ABCB11: variants seen among roughly 807,000 people sequenced by gnomAD.
ABCB11 encodes ATP binding cassette subfamily B member 11, also known as bile salt export pump.
In ABCB11, 95 loss-of-function variants were observed where a neutral mutation model predicts 148.0. The observed-to-expected ratio is 0.64, with a 90% CI of 0.54 to 0.76. ABCB11 has a LOEUF of 0.76. Ranked by LOEUF, ABCB11 falls within the 30% of genes least tolerant of loss-of-function variation. The probability of loss-of-function intolerance (pLI) is 0.00; values close to 1 mark genes in which losing one functional copy is unlikely to be tolerated. For synonymous variants in ABCB11, 591 were observed against 555.4 expected (o/e 1.06, Z -0.90); for missense variants, 1,523 against 1,617.8 (o/e 0.94, Z 1.01).
At chr2:168,968,800 A>T (rs1693434145) in intron 16 of ABCB11, among the ~76,000 whole-genome samples, 1 of 151,172 alleles carries the variant, frequency 6.6e-6, no homozygotes, top group East Asian at 2.0e-4. Flanking sequence ...CAAAAAAAAA[A>T]TGATAGAAAC....
At chr2:169,017,107 T>C (rs770735288) in intron 2 of ABCB11, among the ~76,000 whole-genome samples, 4 of 152,052 alleles carry the variant, frequency 2.6e-5, no homozygotes, top group Non-Finnish European at 5.9e-5. Context: ...ATTTGCATCA[T>C]CTGAATATCA....
intron 9 of ABCB11, among the ~76,000 whole-genome samples, chr2:168,986,593 T>C (rs1291934566): frequency 2.0e-5 from 3 of 152,090 alleles, no homozygotes; most frequent in Admixed American, 1.3e-4. Flanking sequence ...AAGAGAGATC[T>C]AGTATTATGT....
chr2:168,943,696 TC>T (rs1272027008), intron 21 of ABCB11, among the ~76,000 whole-genome samples: 1 of 152,002 alleles, frequency 6.6e-6, no homozygotes, highest in Non-Finnish European at 1.5e-5. Flanking sequence ...GTGAAAGGAT[TC>T]CATGATCCGT....
intron 1 of ABCB11, among the ~76,000 whole-genome samples, chr2:169,030,441 T>G (rs1184525381): frequency 6.6e-6 from 1 of 152,148 alleles, no homozygotes; most frequent in Admixed American, 6.5e-5. Flanking sequence ...AGTTATCACT[T>G]CAAATGTTTA....
At chr2:168,944,520 A>C (rs1380194321) in intron 21 of ABCB11, 85 bp downstream of exon 21, 1 of 1,424,250 alleles carries the variant, frequency 7.0e-7, no homozygotes, top group Non-Finnish European at 9.4e-7. Flanking sequence ...TATTCCATAG[A>C]AAACATGCAG....
rs765189442 is a variant in ABCB11 at position 168,995,422 on chromosome 2, T to C, written c.538A>G (p.Arg180Gly). Reference sequence around the variant, plus strand: ...CCTATTTCCATTCTCATTATTCTCCTAAAGTAAAATTTTCTCATTTTCTGT... The same window carrying C: ...CCTATTTCCATTCTCATTATTCTCCCAAAGTAAAATTTTCTCATTTTCTGT... ...QIQKMRKFYF[R>G]RIMRMEIGWF... Residue 180 changes from arginine to glycine, a missense_variant, in exon 7 of 28, where the codon AGG (arginine) becomes GGG (glycine). Arg to Gly is a moderately radical substitution (Grantham distance 125, BLOSUM62 -2). Coordinates refer to ENST00000650372, the MANE Select transcript of ABCB11 (RefSeq NM_003742.4). 2 of 1,612,372 alleles carry C rather than the reference T, an allele frequency of 1.2e-6. No homozygotes were observed. The highest frequency in any genetic ancestry group is 3.3e-5 in the Admixed American group (2 of 59,788).
At chr2:168,974,106 A>ATAAGTAACAC (rs1693713177) in intron 12 of ABCB11, among the ~76,000 whole-genome samples, 1 of 152,074 alleles carries the variant, frequency 6.6e-6, no homozygotes, top group Non-Finnish European at 1.5e-5. Flanking sequence ...AACACAGGTG[A>ATAAGTAACAC]AGTAAATAAG....
intron 18 of ABCB11, among the ~76,000 whole-genome samples, chr2:168,959,631 G>C (rs1692964260): frequency 6.6e-6 from 1 of 151,622 alleles, no homozygotes; most frequent in Admixed American, 6.6e-5. Context: ...AAGGGTATTT[G>C]TATAGCAAAC....
At chr2:168,936,715 T>C (rs1691846605) in intron 21 of ABCB11, among the ~76,000 whole-genome samples, 1 of 152,078 alleles carries the variant, frequency 6.6e-6, no homozygotes, top group Non-Finnish European at 1.5e-5. Flanking sequence ...CTTGGTGACT[T>C]CTATTCTAAC....
chr2:168,954,514 T>C (rs953677360), intron 19 of ABCB11, among the ~76,000 whole-genome samples: 1 of 148,412 alleles, frequency 6.7e-6, no homozygotes, highest in Non-Finnish European at 1.5e-5. Flanking sequence ...TGGCTGACAG[T>C]TTTTTTTTTC....
chr2:168,972,012 A>T lies in ABCB11; in HGVS notation c.1473T>A (p.Ile491=), dbSNP rs1693601600. The change falls in exon 14 of 28, where the codon ATT becomes ATA. Residue 491 remains isoleucine, a synonymous_variant. Coordinates refer to ENST00000650372, the MANE Select transcript of ABCB11 (RefSeq NM_003742.4). The part of the protein sequence containing the change: ...VDGHDIRSLN[I]QWLRDQIGIV... Reference sequence around the variant, plus strand: ...TCCCAATCTGATCTCTAAGCCACTGAATGTTAAGAGAGCGAATGTCATGGC... The same window carrying T: ...TCCCAATCTGATCTCTAAGCCACTGTATGTTAAGAGAGCGAATGTCATGGC... 2 of 1,612,740 alleles carry T rather than the reference A, an allele frequency of 1.2e-6. No homozygotes were observed. The highest frequency in any genetic ancestry group is 1.3e-5 in the African/African-American group (1 of 74,842).
chr2:168,962,689 T>C (rs116257438), intron 18 of ABCB11, among the ~76,000 whole-genome samples: 2,878 of 151,810 alleles, frequency 0.019, 60 homozygotes, highest in South Asian at 0.094. Context: ...CAATGTAGTG[T>C]TTGGTTCTTT....
At chr2:168,919,951 C>T (rs1311925288), downstream of ABCB11, among the ~76,000 whole-genome samples, 1 of 152,102 alleles carries the variant, frequency 6.6e-6, no homozygotes, top group East Asian at 1.9e-4. Flanking sequence ...TGGGTCACTG[C>T]AGCCTCAACC....
intron 21 of ABCB11, among the ~76,000 whole-genome samples, chr2:168,939,085 C>CTGTT (rs79933700): frequency 0.44 from 67,162 of 151,160 alleles, 15,065 homozygotes; most frequent in African/African-American, 0.48. Context: ...AACTCTTTTT[C>CTGTT]TGTTGATGGA....
chr2:168,991,798 CAT>C (rs963198105), intron 8 of ABCB11, among the ~76,000 whole-genome samples: 13 of 148,260 alleles, frequency 8.8e-5, no homozygotes, highest in Non-Finnish European at 1.8e-4. Context: ...TTTTATAAAA[CAT>C]GTGAATTAAA....
Position 168,976,660 on chromosome 2 carries a change from C to T in ABCB11, c.1225G>A (p.Asp409Asn). Residue 409 changes from aspartate to asparagine, a missense_variant, in exon 12 of 28, where the codon GAT (aspartate) becomes AAT (asparagine). Transcript: ENST00000650372. ...TTGATTCGATCCAACTTGTAACCAT[C>T]TTCTGACATGCAGTCAATGATGGGT... ...RKPIIDCMSEDGYKLDRIKGE... is the reference protein window; with the variant it reads ...RKPIIDCMSENGYKLDRIKGE... The T allele has an allele frequency of 6.2e-7, 1 of 1,611,474 alleles. No individual in the cohort carries two copies.
chr2:168,942,416 A>T (rs966678312), intron 21 of ABCB11, among the ~76,000 whole-genome samples: 7 of 151,890 alleles, frequency 4.6e-5, no homozygotes, highest in African/African-American at 9.7e-5. Context: ...GAAATAGATA[A>T]GAGAATTTCG....
chr2:168,947,348 A>ATTT (rs67085756), intron 19 of ABCB11, among the ~76,000 whole-genome samples: 3 of 148,312 alleles, frequency 2.0e-5, no homozygotes, highest in Non-Finnish European at 3.0e-5. Context: ...TCTCACATCC[A>ATTT]TTTTTTTTTT....
chr2:168,951,702 A>G (rs1311164190), intron 19 of ABCB11, among the ~76,000 whole-genome samples: 1 of 151,566 alleles, frequency 6.6e-6, no homozygotes. Context: ...AACAGGGATA[A>G]TTTGGCTTCC....
Sources: allele counts gnomAD v4.1 joint callset (sites outside exome capture counted in the v4.1 genomes callset), GRCh38; gene constraint gnomAD v4.1.1; transcripts MANE v1.5; gene names NCBI Gene and HGNC (gene_info 2026-07-23, HGNC 2026-07-21).